SCN1A: variants seen among roughly 807,000 people sequenced by gnomAD.
The protein encoded by SCN1A is sodium voltage-gated channel alpha subunit 1.
SCN1A carries 13 observed loss-of-function variants against 193.7 expected under a neutral mutation model. The ratio of observed to expected loss-of-function variants is 0.07; its 90% CI spans 0.04 to 0.11. SCN1A has a LOEUF of 0.11. SCN1A is among the 10% of genes least tolerant of loss of function. SCN1A has a pLI of 1.00. For missense variants in SCN1A, 1,432 were observed against 2,451.1 expected (o/e 0.58, Z 8.78); for synonymous variants, 781 against 843.6 (o/e 0.93, Z 1.29).
chr2:166,078,117 A>C, intron 2 of SCN1A, among the ~76,000 whole-genome samples: 1 of 151,784 alleles, frequency 6.6e-6, no homozygotes, highest in Non-Finnish European at 1.5e-5. Context: ...GTGCAAACCC[A>C]TAGAATGTAC....
intron 2 of SCN1A, among the ~76,000 whole-genome samples, chr2:166,096,515 C>T (rs897525629): frequency 1.3e-4 from 20 of 151,988 alleles, no homozygotes; most frequent in African/African-American, 2.9e-4. Flanking sequence ...CTCCTGACCT[C>T]GTGATCCACC....
At chr2:165,995,041 C>A (rs1414579921) in intron 27 of SCN1A, among the ~76,000 whole-genome samples, 1 of 151,558 alleles carries the variant, frequency 6.6e-6, no homozygotes, top group Non-Finnish European at 1.5e-5. Context: ...ATGTTTATGT[C>A]AAAAAAAACT....
At chr2:166,096,718 A>G (rs1458354603) in intron 2 of SCN1A, among the ~76,000 whole-genome samples, 2 of 152,206 alleles carry the variant, frequency 1.3e-5, no homozygotes, top group African/African-American at 4.8e-5. Flanking sequence ...AATTACATTG[A>G]TCTGACAATT....
intron 16 of SCN1A, among the ~76,000 whole-genome samples, chr2:166,039,910 C>CTTTTTT (rs10523688): frequency 9.0e-6 from 1 of 110,876 alleles, no homozygotes; most frequent in African/African-American, 3.2e-5. Flanking sequence ...TACAAGTCAT[C>CTTTTTT]TTTTTTTTTT....
At chr2:166,136,574 G>A (rs149310287) in intron 1 of SCN1A, among the ~76,000 whole-genome samples, 1 of 152,074 alleles carries the variant, frequency 6.6e-6, no homozygotes, top group South Asian at 2.1e-4. Flanking sequence ...ATCACAAACA[G>A]AGTTACCCTT....
intron 2 of SCN1A, among the ~76,000 whole-genome samples, chr2:166,120,916 T>C (rs1050794453): frequency 3.9e-5 from 6 of 151,918 alleles, no homozygotes; most frequent in Non-Finnish European, 8.8e-5. Context: ...GTATCTGGCC[T>C]ATGTAGACTA....
intron 19 of SCN1A, chr2:166,016,719 G>A (rs561481355): frequency 1.1e-4 from 17 of 152,000 alleles, no homozygotes; most frequent in Admixed American, 9.2e-4. Context: ...GCTACCAGCT[G>A]AGTATTCACT....
chr2:166,120,159 ATTTT>A (rs71395206), intron 2 of SCN1A, among the ~76,000 whole-genome samples: 1 of 148,318 alleles, frequency 6.7e-6, no homozygotes, highest in East Asian at 2.0e-4. Context: ...TTCTATTTAA[ATTTT>A]TTTTTTGTTT....
intron 2 of SCN1A, among the ~76,000 whole-genome samples, chr2:166,084,218 CTTTT>C (rs57907653): frequency 3.1e-5 from 4 of 127,312 alleles, no homozygotes; most frequent in Non-Finnish European, 3.3e-5. Context: ...TCTCAATTTT[CTTTT>C]TTTTTTTTTT....
At chr2:166,064,467 C>T (rs966986369) in intron 4 of SCN1A, among the ~76,000 whole-genome samples, 1 of 151,920 alleles carries the variant, frequency 6.6e-6, no homozygotes, top group South Asian at 2.1e-4. Flanking sequence ...AAATCTTGCC[C>T]CTTGATCTAA....
chr2:166,116,483 A>G (rs562852232), intron 2 of SCN1A, among the ~76,000 whole-genome samples: 18 of 152,304 alleles, frequency 1.2e-4, no homozygotes, highest in Admixed American at 9.8e-4. Flanking sequence ...TCTATCCTGC[A>G]TAATTCTGGG....
chr2:166,041,498 C>T, intron 15 of SCN1A, 29 bp from the exon 16 acceptor site: 1 of 1,284,572 alleles, frequency 7.8e-7, no homozygotes, highest in Non-Finnish European at 1.1e-6. Context: ...AAAAAAGAAC[C>T]ACCAAAAGGT....
chr2:166,067,541 G>A (rs1432346383), intron 4 of SCN1A, among the ~76,000 whole-genome samples: 2 of 151,680 alleles, frequency 1.3e-5, no homozygotes, highest in Middle Eastern at 3.2e-3. Context: ...AATGGGCCAT[G>A]GAAACTCACT....
chr2:166,120,499 C>A (rs543296983), intron 2 of SCN1A, among the ~76,000 whole-genome samples: 86 of 149,658 alleles, frequency 5.7e-4, no homozygotes, highest in African/African-American at 2.0e-3. Context: ...TTTAATGGTA[C>A]TATAATATTT....
In SCN1A at chr2:166,038,251, C is replaced by T. The variant is rs898167642; in HGVS notation, c.2590-119G>A. The T allele has an allele frequency of 7.0e-5, 57 of 809,314 alleles. No individual in the cohort carries two copies. The African/African-American group carries it at 9.0e-4, about 13-fold the overall frequency. The allele number at this position is 809,314 out of a possible 1,614,324, so 50.1% of individuals were successfully genotyped here. A position where few individuals can be genotyped will look rare whatever the true frequency, so the allele number is the denominator to read the frequency against. ...CTTACAATATCTGATCTGCCCTAAC[C>T]GTCTCAGGCTCATGGCTAATTTTTG... On this transcript the variant is annotated intron_variant, in intron 17 of 28. Coordinates refer to ENST00000674923, the MANE Select transcript of SCN1A (RefSeq NM_001165963.4).
intron 27 of SCN1A, among the ~76,000 whole-genome samples, chr2:165,995,606 T>G (rs1267439117): frequency 1.3e-5 from 2 of 151,812 alleles, no homozygotes; most frequent in Non-Finnish European, 2.9e-5. Context: ...ACTCAACACT[T>G]CATTTCTTAA....
intron 23 of SCN1A, chr2:166,002,963 C>A (rs1691146475): frequency 4.4e-5 from 16 of 366,838 alleles, no homozygotes; most frequent in South Asian, 3.9e-4. Flanking sequence ...GGCAATATAA[C>A]CAAGAAATGA....
chr2:166,136,825 G>A (rs1373861034), intron 1 of SCN1A, among the ~76,000 whole-genome samples: 2 of 152,154 alleles, frequency 1.3e-5, no homozygotes, highest in African/African-American at 2.4e-5. Flanking sequence ...AGACCCAACT[G>A]AGAGGTTTAA....
intron 2 of SCN1A, among the ~76,000 whole-genome samples, chr2:166,090,225 T>C (rs1327053860): frequency 2.0e-5 from 3 of 151,754 alleles, no homozygotes; most frequent in Non-Finnish European, 4.4e-5. Context: ...ACAGGCAGTA[T>C]CTCTCTATGT....
Sources: allele counts gnomAD v4.1 joint callset (sites outside exome capture counted in the v4.1 genomes callset), GRCh38; gene constraint gnomAD v4.1.1; transcripts MANE v1.5; gene names NCBI Gene and HGNC (gene_info 2026-07-23, HGNC 2026-07-21).